The following MS4A18 variants were observed in gnomAD, a reference collection of about 807,000 sequenced individuals.
The protein encoded by MS4A18 is membrane-spanning 4-domains subfamily A member 18.
In MS4A18, 27 loss-of-function variants were observed where a neutral mutation model predicts 13.1. The ratio of observed to expected loss-of-function variants is 2.06; its 90% CI spans 1.52 to 2.84. MS4A18 has a LOEUF of 2.84. MS4A18 is among the 30% of genes most tolerant of loss of function. MS4A18 has a pLI of 0.00. For synonymous variants in MS4A18, 126 were observed against 76.5 expected, an observed-to-expected ratio of 1.65 and a Z score of -3.38; for missense variants, 307 against 196.4, an observed-to-expected ratio of 1.56 and a Z score of -3.37.
rs1472292897 is a variant in MS4A18 at position 60,740,901 on chromosome 11, G to A, written c.745-129G>A. On this transcript the variant is annotated intron_variant, in intron 4 of 5. Coordinates refer to ENST00000529108, the Ensembl canonical transcript of MS4A18. ...TATAAAATGGGTGACCCAAGCACCT[G>A]CTCCAAAGGGCCACATGCAGAGAGG... 4.5e-6 allele frequency: 3 copies of A among 661,240 alleles called. No homozygotes were observed. The Admixed American group carries it at 6.3e-5, about 14-fold the overall frequency. 41.0% of individuals were successfully genotyped at this position (661,240 alleles called of 1,614,324 possible).
At chr11:60,729,317 T>C (rs1231342795) in exon 1 of MS4A18, 1 of 701,772 alleles carries the variant, frequency 1.4e-6, no homozygotes, top group Non-Finnish European at 2.6e-6. Flanking sequence ...TTGTACACCA[T>C]GACCGAACAG....
At chr11:60,743,246 A>C (rs372981324) in intron 5 of MS4A18, among the ~76,000 whole-genome samples, 5 of 152,376 alleles carry the variant, frequency 3.3e-5, no homozygotes, top group African/African-American at 1.2e-4. Flanking sequence ...TCTGCTGGGC[A>C]GTTCTTCTGA....
intron 1 of MS4A18, among the ~76,000 whole-genome samples, chr11:60,731,899 T>C (rs1007411022): frequency 1.3e-5 from 2 of 152,138 alleles, no homozygotes; most frequent in African/African-American, 4.8e-5. Context: ...ATTAAATGAG[T>C]GCTGGCAGCG....
chr11:60,736,900 C>T (rs1019708851), intron 2 of MS4A18, 78 bp from the exon 4 acceptor site: 9 of 672,650 alleles, frequency 1.3e-5, no homozygotes, highest in Admixed American at 4.7e-5. Flanking sequence ...TTGAGAAATG[C>T]GTCTCTGAGT....
exon 6 of MS4A18, chr11:60,744,023 G>A (rs1392438106): frequency 4.4e-6 from 3 of 688,802 alleles, no homozygotes; most frequent in Non-Finnish European, 8.0e-6. Context: ...GATGACATGG[G>A]ATGCCTGTCT....
At chr11:60,727,473 T>C (rs545943732), upstream of MS4A18, among the ~76,000 whole-genome samples, 2 of 152,362 alleles carry the variant, frequency 1.3e-5, no homozygotes, top group South Asian at 4.1e-4. Context: ...GTTTACTTTA[T>C]AGACGATTAA....
chr11:60,725,643 G>C (rs573771620), upstream of MS4A18, among the ~76,000 whole-genome samples: 1 of 152,144 alleles, frequency 6.6e-6, no homozygotes, highest in South Asian at 2.1e-4. Flanking sequence ...AGAGAGAAAT[G>C]ATTAATTTTT....
chr11:60,732,624 G>A (rs1234024591), intron 1 of MS4A18, among the ~76,000 whole-genome samples: 1 of 151,632 alleles, frequency 6.6e-6, no homozygotes, highest in African/African-American at 2.4e-5. Context: ...CCAGCTACTC[G>A]GGAGGCTGAG....
At chr11:60,738,218 G>C (rs578199560) in intron 3 of MS4A18, among the ~76,000 whole-genome samples, 7 of 152,190 alleles carry the variant, frequency 4.6e-5, no homozygotes, top group Non-Finnish European at 1.0e-4. Context: ...GCTTGAGTAG[G>C]GGATGGATAA....
intron 5 of MS4A18, among the ~76,000 whole-genome samples, chr11:60,742,872 T>C (rs1003485935): frequency 1.3e-5 from 2 of 152,254 alleles, no homozygotes; most frequent in East Asian, 3.8e-4. Context: ...TTCTGCCTGA[T>C]GATCTCCTTA....
At chr11:60,733,184 C>A (rs1195501735) in intron 1 of MS4A18, among the ~76,000 whole-genome samples, 1 of 152,226 alleles carries the variant, frequency 6.6e-6, no homozygotes, top group Non-Finnish European at 1.5e-5. Context: ...GCAGCCAGGA[C>A]AGGAGCCAGG....
chr11:60,731,292 T>C (rs888588079), intron 1 of MS4A18, among the ~76,000 whole-genome samples: 1 of 152,222 alleles, frequency 6.6e-6, no homozygotes, highest in Non-Finnish European at 1.5e-5. Context: ...TATTCTAAGA[T>C]ATTTTGGAAG....
chr11:60,736,002 T>C (rs528367858), intron 2 of MS4A18, among the ~76,000 whole-genome samples: 4 of 152,180 alleles, frequency 2.6e-5, no homozygotes, highest in Non-Finnish European at 5.9e-5. Flanking sequence ...TTTACCTATA[T>C]GCCTAAGCAA....
chr11:60,727,068 A>T (rs925555867), upstream of MS4A18, among the ~76,000 whole-genome samples: 1 of 152,072 alleles, frequency 6.6e-6, no homozygotes, highest in Non-Finnish European at 1.5e-5. Flanking sequence ...AGCTTCATCC[A>T]CGTCCCTGCA....
chr11:60,732,158 G>A (rs1455232659), intron 1 of MS4A18, among the ~76,000 whole-genome samples: 3 of 152,036 alleles, frequency 2.0e-5, no homozygotes, highest in Non-Finnish European at 4.4e-5. Flanking sequence ...AAATGAGAGG[G>A]GATTCATCCT....
chr11:60,740,463 A>T lies in MS4A18; in HGVS notation c.745-567A>T, dbSNP rs563845511. ...GGGCAGTATGAGGCAGGGATACTGG[A>T]AGAGGGCTGAGAAAGCCAGGAGCCA... On this transcript the variant is annotated intron_variant, in intron 4 of 5. Transcript: ENST00000529108. 1.8e-4 allele frequency among the ~76,000 whole-genome samples: 27 copies of T among 152,274 alleles called. 1 individual carries two copies. The South Asian group carries it at 5.4e-3, about 30-fold the overall frequency.
intron 5 of MS4A18, among the ~76,000 whole-genome samples, chr11:60,742,351 G>A (rs1853423538): frequency 6.6e-6 from 1 of 152,168 alleles, no homozygotes; most frequent in African/African-American, 2.4e-5. Context: ...AGCAATTTCA[G>A]TCAGATTTGG....
rs1322488007 is a variant in MS4A18, at chr11:60,729,785, G to C, written c.470G>C (p.Gly157Ala). The C allele has an allele frequency of 4.3e-6, 3 of 691,126 alleles. No individual in the cohort carries two copies. The Admixed American group carries it at 6.1e-5, about 14-fold the overall frequency. The allele number at this position is 691,126 out of a possible 1,614,324, so 42.8% of individuals were successfully genotyped here. A position where few individuals can be genotyped will look rare whatever the true frequency, so the allele number is the denominator to read the frequency against. The change falls in exon 1 of 6, where the codon GGG becomes GCG. Residue 157 changes from glycine to alanine, a missense_variant. By Grantham distance (60) the Gly-to-Ala change is moderately conservative. Coordinates refer to ENST00000529108, the Ensembl canonical transcript of MS4A18. ...ATAAATGAGGAGGTCAGAACATTAG[G>C]GGTGAGTGTGATTTCTCCTTCTCTC...
chr11:60,729,437 C>A (rs1045956643), exon 1 of MS4A18: 1 of 702,812 alleles, frequency 1.4e-6, no homozygotes, highest in Non-Finnish European at 2.6e-6. Flanking sequence ...TCAGAGGTGA[C>A]CACTTACCCA....
Sources: allele counts gnomAD v4.1 joint callset (sites outside exome capture counted in the v4.1 genomes callset), GRCh38; gene constraint gnomAD v4.1.1; transcripts MANE v1.5; gene names NCBI Gene and HGNC (gene_info 2026-07-23, HGNC 2026-07-21).